RAP1GDS1: variants seen among roughly 807,000 people sequenced by gnomAD.
RAP1GDS1 encodes the protein RAP1, GTP-GDP dissociation stimulator 1.
RAP1GDS1 carries 35 observed loss-of-function variants against 71.1 expected under a neutral mutation model. The ratio of observed to expected loss-of-function variants is 0.49; its 90% CI spans 0.38 to 0.65. The LOEUF (loss-of-function observed/expected upper bound fraction) is 0.65, where lower values mean the gene tolerates loss of function less well. Among genes scored for constraint, RAP1GDS1 ranks in the 30% least tolerant of loss-of-function variants. The pLI, the probability that RAP1GDS1 is intolerant of heterozygous loss-of-function variation, is 0.00. For synonymous variants in RAP1GDS1, 229 were observed against 243.1 expected, an observed-to-expected ratio of 0.94 and a Z score of 0.54; for missense variants, 663 against 706.1, an observed-to-expected ratio of 0.94 and a Z score of 0.69.
intron 4 of RAP1GDS1, among the ~76,000 whole-genome samples, chr4:98,376,203 A>G (rs777969646): frequency 5.3e-5 from 8 of 152,118 alleles, no homozygotes; most frequent in Non-Finnish European, 1.0e-4. Context: ...TAATTAAATG[A>G]GGAAAATTGA....
intron 4 of RAP1GDS1, among the ~76,000 whole-genome samples, chr4:98,353,761 A>G (rs1737548793): frequency 6.6e-6 from 1 of 152,034 alleles, no homozygotes; most frequent in Non-Finnish European, 1.5e-5. Flanking sequence ...CCTTCAATCC[A>G]GTTCTTTTTA....
intron 4 of RAP1GDS1, among the ~76,000 whole-genome samples, chr4:98,369,295 T>C (rs1740005879): frequency 6.6e-6 from 1 of 152,178 alleles, no homozygotes; most frequent in African/African-American, 2.4e-5. Context: ...TTCTTAAATA[T>C]AATGTTTCAG....
intron 1 of RAP1GDS1, among the ~76,000 whole-genome samples, chr4:98,281,331 C>T (rs1005061603): frequency 1.3e-5 from 2 of 152,036 alleles, no homozygotes; most frequent in Non-Finnish European, 2.9e-5. Flanking sequence ...CGTTCACATC[C>T]CTTGTAAGTT....
chr4:98,312,904 G>A (rs772019374), intron 2 of RAP1GDS1, among the ~76,000 whole-genome samples: 1 of 151,172 alleles, frequency 6.6e-6, no homozygotes, highest in Non-Finnish European at 1.5e-5. Context: ...CCCGTCTCTA[G>A]TAAAAGTACA....
intron 6 of RAP1GDS1, among the ~76,000 whole-genome samples, chr4:98,400,093 G>C (rs1034553767): frequency 6.6e-6 from 1 of 151,970 alleles, no homozygotes; most frequent in Non-Finnish European, 1.5e-5. Context: ...GTTGAGTCAG[G>C]TTGCAGTGAG....
chr4:98,262,317 A>G (rs1722132538), intron 1 of RAP1GDS1, among the ~76,000 whole-genome samples: 2 of 152,236 alleles, frequency 1.3e-5, no homozygotes, highest in South Asian at 4.1e-4. Flanking sequence ...CCGAACTTAC[A>G]TGGTAGTTAT....
At chr4:98,268,608 G>A (rs560582276) in intron 1 of RAP1GDS1, among the ~76,000 whole-genome samples, 1 of 151,830 alleles carries the variant, frequency 6.6e-6, no homozygotes, top group South Asian at 2.1e-4. Flanking sequence ...CCTAATAAAT[G>A]AATTCAGTAA....
At chr4:98,395,388 T>TAATA (rs1744374995) in intron 6 of RAP1GDS1, among the ~76,000 whole-genome samples, 1 of 152,184 alleles carries the variant, frequency 6.6e-6, no homozygotes, top group Admixed American at 6.5e-5. Flanking sequence ...TTTTCTTACA[T>TAATA]AATAAATATA....
chr4:98,422,061 G>A (rs573485802), intron 12 of RAP1GDS1, among the ~76,000 whole-genome samples: 12 of 151,858 alleles, frequency 7.9e-5, no homozygotes, highest in Admixed American at 1.3e-4. Flanking sequence ...TTAGCTGGGC[G>A]TGGTGGCGGG....
chr4:98,401,250 T>G (rs1039889514), intron 6 of RAP1GDS1, among the ~76,000 whole-genome samples: 2 of 152,164 alleles, frequency 1.3e-5, no homozygotes, highest in Non-Finnish European at 2.9e-5. Context: ...GCTGGAGTGT[T>G]TGGAGTTGCA....
intron 2 of RAP1GDS1, among the ~76,000 whole-genome samples, chr4:98,335,785 T>A (rs940034256): frequency 5.6e-4 from 28 of 50,110 alleles, no homozygotes; most frequent in South Asian, 4.8e-3. Flanking sequence ...AGTGACTTCT[T>A]ACCTTTTTTT....
In RAP1GDS1 at chr4:98,331,429, A is replaced by G. The variant is rs139897412; in HGVS notation, c.113-11710A>G. Reference sequence around the variant, plus strand: ...ACTTTTATAAAAATTCAAAACAGTAACTGTGGATGTCAGAGACTTAAGAGT... The same window carrying G: ...ACTTTTATAAAAATTCAAAACAGTAGCTGTGGATGTCAGAGACTTAAGAGT... On this transcript the variant is annotated intron_variant, in intron 2 of 14. Transcript: ENST00000408927. 2.6e-5 allele frequency among the ~76,000 whole-genome samples: 4 copies of G among 152,184 alleles called. No individual in the cohort carries two copies. In the East Asian group the frequency reaches 7.7e-4, roughly 29 times the overall value.
chr4:98,386,471 C>A (rs1742774675), intron 5 of RAP1GDS1, among the ~76,000 whole-genome samples: 1 of 151,472 alleles, frequency 6.6e-6, no homozygotes, highest in Non-Finnish European at 1.5e-5. Context: ...CCAGAAAGAA[C>A]CTTAGAATTA....
chr4:98,303,757 G>C lies in RAP1GDS1; in HGVS notation c.112+10242G>C, dbSNP rs182984155. ...GCAGGGCATGCAGGTTTGTTACATA[G>C]GTGAATGTGTGCCATGGTAGTTTGC... is the stretch of plus-strand genomic sequence containing the variant. On this transcript the variant is annotated intron_variant, in intron 2 of 14. Coordinates refer to ENST00000408927, the MANE Select transcript of RAP1GDS1 (RefSeq NM_001100427.2). Among the ~76,000 whole-genome samples, 1,306 of 151,920 alleles carry C rather than the reference G, an allele frequency of 8.6e-3. 22 individuals are homozygous for C. Among genetic ancestry groups the C allele is most frequent in the African/African-American group, 0.03 (1,244 of 41,402 alleles).
intron 7 of RAP1GDS1, among the ~76,000 whole-genome samples, chr4:98,414,378 G>A (rs1469393576): frequency 1.6e-5 from 2 of 127,504 alleles, no homozygotes; most frequent in African/African-American, 7.7e-5. Flanking sequence ...AATCCATCTT[G>A]AATTGATTTT....
intron 2 of RAP1GDS1, among the ~76,000 whole-genome samples, chr4:98,313,557 A>T (rs1401775672): frequency 6.6e-6 from 1 of 152,150 alleles, no homozygotes; most frequent in Non-Finnish European, 1.5e-5. Flanking sequence ...AAGAAGCTAC[A>T]GTTGGGCCTG....
chr4:98,419,323 G>T (rs911852776), intron 10 of RAP1GDS1, among the ~76,000 whole-genome samples: 1 of 152,020 alleles, frequency 6.6e-6, no homozygotes, highest in Non-Finnish European at 1.5e-5. Context: ...TAAAGTGCTG[G>T]GATTACAGGT....
intron 1 of RAP1GDS1, among the ~76,000 whole-genome samples, chr4:98,279,090 G>T (rs1245472232): frequency 1.3e-5 from 2 of 152,056 alleles, no homozygotes; most frequent in Non-Finnish European, 2.9e-5. Context: ...TGGGCATGGT[G>T]GTGGGCACCT....
intron 12 of RAP1GDS1, among the ~76,000 whole-genome samples, chr4:98,429,256 C>CAAA (rs1226326098): frequency 4.4e-5 from 3 of 68,366 alleles, no homozygotes; most frequent in Non-Finnish European, 6.4e-5. Flanking sequence ...AGACGTGTCT[C>CAAA]AAAAAAAAAA....
Sources: gnomAD v4.1 joint callset for allele counts (sites outside exome capture counted in the v4.1 genomes callset) on GRCh38, gnomAD v4.1.1 for gene constraint, MANE v1.5 for transcripts, NCBI Gene and HGNC (gene_info 2026-07-23, HGNC 2026-07-21) for gene names.